The following FER variants were observed in gnomAD, a reference collection of about 807,000 sequenced individuals.
FER encodes the protein FER tyrosine kinase.
Under a neutral mutation model 111.0 loss-of-function variants are expected in FER, and 63 were observed. The ratio of observed to expected loss-of-function variants is 0.57; its 90% CI spans 0.46 to 0.70. The LOEUF is 0.70. Among genes scored for constraint, FER ranks in the 30% least tolerant of loss-of-function variants. The pLI is 0.00. For missense variants in FER, 914 were observed against 954.0 expected, an observed-to-expected ratio of 0.96 and a Z score of 0.55; for synonymous variants, 327 against 313.9, an observed-to-expected ratio of 1.04 and a Z score of -0.44.
At chr5:108,820,596 A>G (rs142966961) in intron 3 of FER, 5 of 943,480 alleles carry the variant, frequency 5.3e-6, no homozygotes, top group Middle Eastern at 5.4e-4. Flanking sequence ...TTTTAATACC[A>G]GTAGTAATAT....
At chr5:109,040,011 C>T (rs1046737116) in intron 14 of FER, among the ~76,000 whole-genome samples, 1 of 152,048 alleles carries the variant, frequency 6.6e-6, no homozygotes, top group Non-Finnish European at 1.5e-5. Context: ...TCTGGATGTA[C>T]TTTTGAAATT....
intron 13 of FER, among the ~76,000 whole-genome samples, chr5:108,968,801 C>A (rs1760237984): frequency 6.6e-6 from 1 of 151,922 alleles, no homozygotes; most frequent in African/African-American, 2.4e-5. Context: ...ACTCATACCA[C>A]AAAAGGGTGA....
chr5:108,902,733 T>C (rs1051447180), intron 10 of FER, among the ~76,000 whole-genome samples: 4 of 152,178 alleles, frequency 2.6e-5, no homozygotes, highest in Admixed American at 6.5e-5. Context: ...GAATTGCTTA[T>C]GTGTTGTTGA....
chr5:109,092,765 T>G (rs2150047770), intron 16 of FER, among the ~76,000 whole-genome samples: 1 of 152,272 alleles, frequency 6.6e-6, no homozygotes, highest in South Asian at 2.1e-4. Flanking sequence ...GGATATATAT[T>G]CAAAAGAATT....
At chr5:109,085,973 C>T (rs1033561273) in intron 16 of FER, among the ~76,000 whole-genome samples, 6 of 151,694 alleles carry the variant, frequency 4.0e-5, no homozygotes, top group African/African-American at 1.4e-4. Context: ...TAAAATTTGT[C>T]AAATGACATT....
At chr5:109,156,305 A>T (rs1159385941) in intron 17 of FER, among the ~76,000 whole-genome samples, 1 of 152,050 alleles carries the variant, frequency 6.6e-6, no homozygotes, top group Non-Finnish European at 1.5e-5. Context: ...TTTTTCATTA[A>T]TAGAATGTCA....
chr5:108,788,872 A>G (rs1755046152), intron 2 of FER, among the ~76,000 whole-genome samples: 1 of 152,140 alleles, frequency 6.6e-6, no homozygotes, highest in South Asian at 2.1e-4. Context: ...TTGATTTCTA[A>G]AGCCTTAAAA....
chr5:108,969,325 C>G (rs1307507522), intron 13 of FER, among the ~76,000 whole-genome samples: 1 of 152,100 alleles, frequency 6.6e-6, no homozygotes, highest in African/African-American at 2.4e-5. Context: ...AGTACCCTAT[C>G]CAGTGGAGTA....
intron 10 of FER, among the ~76,000 whole-genome samples, chr5:108,922,536 T>C (rs1215327135): frequency 6.6e-6 from 1 of 152,218 alleles, no homozygotes; most frequent in East Asian, 1.9e-4. Flanking sequence ...CATTTAATGT[T>C]GAAAATTGCT....
intron 17 of FER, among the ~76,000 whole-genome samples, chr5:109,141,350 A>G (rs961781947): frequency 5.9e-5 from 9 of 152,234 alleles, no homozygotes; most frequent in Non-Finnish European, 1.0e-4. Flanking sequence ...TAAAGGCAGC[A>G]TTCTTTCTTT....
At chr5:109,183,659 AAAGAAACCTCCAGTCC>A (rs1272808338) in intron 18 of FER, among the ~76,000 whole-genome samples, 2 of 152,106 alleles carry the variant, frequency 1.3e-5, no homozygotes, top group African/African-American at 4.8e-5. Context: ...GGGGTGGATG[AAAGAAACCTCCAGTCC>A]AAGGAACCTC....
At chr5:108,851,195 G>A (rs1020923667) in intron 5 of FER, among the ~76,000 whole-genome samples, 12 of 152,116 alleles carry the variant, frequency 7.9e-5, no homozygotes, top group African/African-American at 2.9e-4. Flanking sequence ...GAGGTTTAAT[G>A]GACTTACATT....
intron 16 of FER, among the ~76,000 whole-genome samples, chr5:109,050,531 GAAA>G (rs1422033910): frequency 1.3e-5 from 2 of 151,730 alleles, no homozygotes; most frequent in South Asian, 2.1e-4. Context: ...TAGCTCAAAA[GAAA>G]AAAAATGTTA....
At chr5:108,777,883 G>A (rs1753665476) in intron 2 of FER, among the ~76,000 whole-genome samples, 1 of 152,004 alleles carries the variant, frequency 6.6e-6, no homozygotes, top group Non-Finnish European at 1.5e-5. Context: ...GAATAGCAAG[G>A]GAAAGACCCA....
At chr5:109,131,509 A>G (rs1173581162) in intron 17 of FER, among the ~76,000 whole-genome samples, 4 of 152,148 alleles carry the variant, frequency 2.6e-5, no homozygotes, top group African/African-American at 9.7e-5. Flanking sequence ...TATGATAATT[A>G]CCTTAAGCTT....
intron 10 of FER, among the ~76,000 whole-genome samples, chr5:108,898,581 C>T (rs1402654641): frequency 7.6e-6 from 1 of 130,872 alleles, no homozygotes; most frequent in East Asian, 2.5e-4. Flanking sequence ...CTCCCTTCCC[C>T]TCCCCTCCCC....
intron 6 of FER, among the ~76,000 whole-genome samples, chr5:108,869,788 A>G (rs1371782972): frequency 1.3e-5 from 2 of 152,132 alleles, no homozygotes; most frequent in African/African-American, 4.8e-5. Flanking sequence ...GCTGCCTTCC[A>G]GACTCTGCTT....
At chr5:108,813,712 G>A (rs529369330) in intron 3 of FER, among the ~76,000 whole-genome samples, 3 of 151,864 alleles carry the variant, frequency 2.0e-5, no homozygotes, top group East Asian at 1.9e-4. Flanking sequence ...ACTTCCTTTC[G>A]TAACCCTATT....
intron 17 of FER, among the ~76,000 whole-genome samples, chr5:109,135,636 A>G (rs1279577703): frequency 1.3e-5 from 2 of 151,998 alleles, no homozygotes; most frequent in Admixed American, 1.3e-4. Flanking sequence ...AGCCTCCCCA[A>G]CTCACCAAAA....
Sources: allele counts gnomAD v4.1 joint callset (sites outside exome capture counted in the v4.1 genomes callset), GRCh38; gene constraint gnomAD v4.1.1; transcripts MANE v1.5; gene names NCBI Gene and HGNC (gene_info 2026-07-23, HGNC 2026-07-21).